The following PTPRD variants were observed in gnomAD, a reference collection of about 807,000 sequenced individuals.
PTPRD encodes the protein receptor-type tyrosine-protein phosphatase delta.
PTPRD carries 34 observed loss-of-function variants against 214.5 expected under a neutral mutation model. That is an observed-to-expected ratio of 0.16 (90% CI 0.12 to 0.21). PTPRD has a LOEUF of 0.21. Ranked by LOEUF, PTPRD falls within the 10% of genes least tolerant of loss-of-function variation. The probability of loss-of-function intolerance (pLI) is 1.00; values close to 1 mark genes in which losing one functional copy is unlikely to be tolerated. For synonymous variants in PTPRD, 1,128 were observed against 845.7 expected, an observed-to-expected ratio of 1.33 and a Z score of -5.79; for missense variants, 2,545 against 2,398.7, an observed-to-expected ratio of 1.06 and a Z score of -1.27.
chr9:9,992,372 C>A (rs1037471567), intron 4 of PTPRD, among the ~76,000 whole-genome samples: 1 of 152,126 alleles, frequency 6.6e-6, no homozygotes, highest in Non-Finnish European at 1.5e-5. Context: ...CTAGTTCAAC[C>A]ATTGTGGAAG....
At chr9:10,568,980 C>T (rs1465136896) in intron 2 of PTPRD, among the ~76,000 whole-genome samples, 4 of 152,028 alleles carry the variant, frequency 2.6e-5, no homozygotes, top group African/African-American at 9.7e-5. Context: ...TCAGAGTGAA[C>T]AGGCAACCTA....
intron 2 of PTPRD, among the ~76,000 whole-genome samples, chr9:10,509,581 T>TATATATATATATATATATATATATATATA (rs1566622187): frequency 1.2e-4 from 7 of 58,986 alleles, no homozygotes; most frequent in African/African-American, 5.2e-4. Flanking sequence ...ATATATATAT[T>TATATATATATATATATATATATATATATA]TTACTCACTT....
At chr9:9,206,406 G>GAGT (rs1426606532) in intron 9 of PTPRD, among the ~76,000 whole-genome samples, 76 of 152,160 alleles carry the variant, frequency 5.0e-4, no homozygotes, top group Admixed American at 1.4e-3. Context: ...TGAGAGTTGG[G>GAGT]GGAGGCAAGA....
intron 11 of PTPRD, 87 bp downstream of exon 11, chr9:9,018,610 C>T (rs897197890): frequency 6.6e-6 from 1 of 152,086 alleles, no homozygotes; most frequent in African/African-American, 2.4e-5. Flanking sequence ...TAAGCTACAA[C>T]CCACAGTAGT....
intron 3 of PTPRD, among the ~76,000 whole-genome samples, chr9:10,131,911 C>T (rs1265509749): frequency 6.6e-6 from 1 of 152,014 alleles, no homozygotes; most frequent in Non-Finnish European, 1.5e-5. Context: ...AAAAAATATG[C>T]TCAAACAATA....
At chr9:8,998,374 T>C (rs1466109591) in intron 11 of PTPRD, among the ~76,000 whole-genome samples, 1 of 152,034 alleles carries the variant, frequency 6.6e-6, no homozygotes, top group Non-Finnish European at 1.5e-5. Flanking sequence ...AGAATTATGC[T>C]AAATCTACCC....
intron 11 of PTPRD, among the ~76,000 whole-genome samples, chr9:8,779,838 C>G (rs1249940963): frequency 1.4e-5 from 2 of 145,804 alleles, no homozygotes; most frequent in African/African-American, 5.1e-5. Flanking sequence ...TTTTTTGGTC[C>G]TAAGGATACT....
chr9:9,965,108 A>G (rs1393832167), intron 4 of PTPRD, among the ~76,000 whole-genome samples: 2 of 152,190 alleles, frequency 1.3e-5, no homozygotes, highest in African/African-American at 4.8e-5. Flanking sequence ...AACGACACAC[A>G]GAGTCCAAAT....
chr9:8,925,029 G>C (rs748947815), intron 11 of PTPRD, among the ~76,000 whole-genome samples: 4 of 152,052 alleles, frequency 2.6e-5, no homozygotes, highest in Admixed American at 6.6e-5. Context: ...AGTCCTGAGA[G>C]CTCAGGCAAT....
intron 7 of PTPRD, among the ~76,000 whole-genome samples, chr9:9,640,820 A>G (rs950120328): frequency 2.0e-5 from 3 of 152,224 alleles, no homozygotes; most frequent in African/African-American, 7.2e-5. Flanking sequence ...TAGGCCATCT[A>G]TCCAATCCTG....
At chr9:9,304,117 T>C (rs1253596440) in intron 9 of PTPRD, among the ~76,000 whole-genome samples, 2 of 152,198 alleles carry the variant, frequency 1.3e-5, no homozygotes, top group East Asian at 3.9e-4. Flanking sequence ...TATCTCCCAT[T>C]TTCCAGGCAC....
chr9:10,270,579 G>A (rs749490858), intron 3 of PTPRD, among the ~76,000 whole-genome samples: 7 of 152,120 alleles, frequency 4.6e-5, no homozygotes, highest in Admixed American at 1.3e-4. Context: ...ATAAAAACCT[G>A]ACTTCCATAC....
intron 11 of PTPRD, among the ~76,000 whole-genome samples, chr9:8,788,259 T>A (rs2096073503): frequency 1.1e-5 from 1 of 94,668 alleles, no homozygotes; most frequent in African/African-American, 3.6e-5. Flanking sequence ...GATGATTTTT[T>A]TTTTTTTTTT....
intron 14 of PTPRD, among the ~76,000 whole-genome samples, chr9:8,547,361 TTAAATAGGCATAGTGGGCCAGGCA>T (rs2140473417): frequency 6.6e-6 from 1 of 151,742 alleles, no homozygotes; most frequent in African/African-American, 2.4e-5. Context: ...AAAGATAGGG[TTAAATAGGCATAGTGGGCCAGGCA>T]TGGTCCCAGC....
chr9:10,195,182 A>G lies in PTPRD; in HGVS notation c.-545+145781T>C, dbSNP rs182429068. 1.3e-3 allele frequency among the ~76,000 whole-genome samples: 202 copies of G among 150,248 alleles called. 3 individuals are homozygous for G. The highest frequency in any genetic ancestry group is 0.012 in the South Asian group (58 of 4,738). Reference sequence around the variant, plus strand: ...CCAGGCTGGTCTTGACCTTTCAACAAGCATTTGTAACAGGATGAATAAAAA... The same window carrying G: ...CCAGGCTGGTCTTGACCTTTCAACAGGCATTTGTAACAGGATGAATAAAAA... On this transcript the variant is annotated intron_variant, in intron 3 of 45. Coordinates refer to ENST00000381196, the MANE Select transcript of PTPRD (RefSeq NM_002839.4).
At chr9:9,899,598 G>C (rs1036238984) in intron 5 of PTPRD, among the ~76,000 whole-genome samples, 1 of 151,824 alleles carries the variant, frequency 6.6e-6, no homozygotes, top group Non-Finnish European at 1.5e-5. Flanking sequence ...TATACTCTTG[G>C]TGTAATTTAA....
At chr9:10,088,380 T>C (rs555775249) in intron 3 of PTPRD, among the ~76,000 whole-genome samples, 1 of 151,756 alleles carries the variant, frequency 6.6e-6, no homozygotes, top group Non-Finnish European at 1.5e-5. Context: ...AAGACTTTCA[T>C]GTCTATGGAC....
chr9:9,299,296 A>AT (rs759926030), intron 9 of PTPRD, among the ~76,000 whole-genome samples: 3 of 151,702 alleles, frequency 2.0e-5, no homozygotes, highest in Non-Finnish European at 2.9e-5. Context: ...CCAAAGGGTG[A>AT]TTTTGCCCCC....
chr9:10,129,327 C>T (rs1293494651), intron 3 of PTPRD, among the ~76,000 whole-genome samples: 2 of 152,056 alleles, frequency 1.3e-5, no homozygotes, highest in Non-Finnish European at 2.9e-5. Flanking sequence ...CTTTAATCAT[C>T]AAAATTTGTT....
Sources: gnomAD v4.1 joint callset for allele counts (sites outside exome capture counted in the v4.1 genomes callset) on GRCh38, gnomAD v4.1.1 for gene constraint, MANE v1.5 for transcripts, NCBI Gene and HGNC (gene_info 2026-07-23, HGNC 2026-07-21) for gene names.